RAD54B: variants seen among roughly 807,000 people sequenced by gnomAD.
RAD54B encodes the protein RAD54 homolog B, also known as DNA repair and recombination protein RAD54B.
In RAD54B, 78 loss-of-function variants were observed where a neutral mutation model predicts 95.8. The observed-to-expected ratio is 0.81, with a 90% CI of 0.68 to 0.98. The LOEUF (loss-of-function observed/expected upper bound fraction) is 0.98. RAD54B is among the 50% of genes least tolerant of loss of function. RAD54B has a pLI of 0.00. For synonymous variants in RAD54B, 328 were observed against 354.9 expected (o/e 0.92, Z 0.85); for missense variants, 957 against 1,056.6 (o/e 0.91, Z 1.31).
At chr8:94,372,486 T>C in intron 14 of RAD54B, 99 bp from the exon 15 acceptor site, 4 of 1,506,170 alleles carry the variant, frequency 2.7e-6, no homozygotes, top group Non-Finnish European at 2.6e-6. Context: ...TGTGATTTAT[T>C]ACATTTGATC....
rs902175391 is a variant in RAD54B, at chr8:94,399,435, C to T, written c.1357G>A (p.Glu453Lys). The T allele has an allele frequency of 6.2e-7, 1 of 1,613,270 alleles. No individual in the cohort carries two copies. Among genetic ancestry groups the T allele is most frequent in the Non-Finnish European group, 8.5e-7 (1 of 1,179,550 alleles). The change falls in exon 8 of 15, where the codon GAG becomes AAG. Residue 453 changes from glutamate (E) to lysine (K), a missense_variant. By Grantham distance (56) the Glu-to-Lys change is moderately conservative (BLOSUM62 1). Coordinates refer to ENST00000336148, the MANE Select transcript of RAD54B (RefSeq NM_012415.3). ...TTTALISLSC[E>K]KRIILTGTPI... ...TGACCAGTTAGAATTATTCTTTTCT[C>T]ACAAGAAAGGCTAATGAGGGCTGTA...
intron 14 of RAD54B, among the ~76,000 whole-genome samples, chr8:94,376,026 T>TA (rs1413774830): frequency 6.6e-6 from 1 of 152,180 alleles, no homozygotes; most frequent in African/African-American, 2.4e-5. Context: ...AAAGTTAAAT[T>TA]AGTCATTTTT....
chr8:94,473,944 G>A (rs1813229839), intron 1 of RAD54B, among the ~76,000 whole-genome samples: 1 of 152,140 alleles, frequency 6.6e-6, no homozygotes, highest in African/African-American at 2.4e-5. Flanking sequence ...AACTGTACAA[G>A]TAACCACACA....
chr8:94,428,730 G>A (rs1432566345), intron 3 of RAD54B: 1 of 980,346 alleles, frequency 1.0e-6, no homozygotes, highest in Non-Finnish European at 1.2e-6. Flanking sequence ...AGAAAGCCAA[G>A]TGTACATTCC....
intron 8 of RAD54B, among the ~76,000 whole-genome samples, 176 bp from the exon 9 acceptor site, chr8:94,394,058 C>T (rs1345573945): frequency 6.6e-6 from 1 of 152,142 alleles, no homozygotes; most frequent in Non-Finnish European, 1.5e-5. Context: ...ACATATTAAT[C>T]ACCACATAAA....
rs529157969 is a variant in RAD54B at position 94,408,623 on chromosome 8, T to C, written c.500-903A>G. Reference sequence around the variant, plus strand: ...AAAATTTATAATCTGTGCCAATCTGTATTTAATATATAGTCTTAAATTATT... The same window carrying C: ...AAAATTTATAATCTGTGCCAATCTGCATTTAATATATAGTCTTAAATTATT... On this transcript the variant is annotated intron_variant, in intron 4 of 14. Coordinates refer to ENST00000336148, the MANE Select transcript of RAD54B (RefSeq NM_012415.3). Among the ~76,000 whole-genome samples the C allele has an allele frequency of 3.3e-5, 5 of 152,302 alleles. No homozygotes were observed. In the South Asian group the frequency reaches 8.3e-4, roughly 25 times the overall value.
At chr8:94,380,682 T>C (rs1810718472) in intron 11 of RAD54B, among the ~76,000 whole-genome samples, 1 of 152,126 alleles carries the variant, frequency 6.6e-6, no homozygotes, top group Non-Finnish European at 1.5e-5. Context: ...AATACAAAAA[T>C]GAACAGAAAC....
intron 1 of RAD54B, among the ~76,000 whole-genome samples, chr8:94,470,621 G>A (rs1472812276): frequency 6.6e-6 from 1 of 150,844 alleles, no homozygotes; most frequent in Non-Finnish European, 1.5e-5. Context: ...AGCCAAGTGT[G>A]GTGGTACACG....
Position 94,464,224 on chromosome 8 carries a change from C to T in RAD54B, c.135+3181G>A, listed in dbSNP as rs1037565629. On this transcript the variant is annotated intron_variant, in intron 2 of 14. Coordinates refer to ENST00000336148, the MANE Select transcript of RAD54B (RefSeq NM_012415.3). ...AAACGGAGAGATGATCCTGGATTAC[C>T]CAGGTGGGCCTAACCTAATCAAATG... Among the ~76,000 whole-genome samples the T allele has an allele frequency of 2.6e-5, 4 of 152,042 alleles. No individual in the cohort carries two copies. The South Asian group carries it at 8.3e-4, about 32-fold the overall frequency.
intron 3 of RAD54B, among the ~76,000 whole-genome samples, chr8:94,418,838 T>C (rs1023444407): frequency 6.6e-6 from 1 of 152,184 alleles, no homozygotes; most frequent in African/African-American, 2.4e-5. Context: ...GACAGTTGAG[T>C]TTTCAGCTTA....
intron 2 of RAD54B, among the ~76,000 whole-genome samples, chr8:94,464,534 G>A (rs1812979658): frequency 6.6e-6 from 1 of 152,194 alleles, no homozygotes; most frequent in Admixed American, 6.5e-5. Flanking sequence ...TCAGCAGCAA[G>A]AGAAAACTGA....
At chr8:94,408,999 G>C (rs1811464469) in intron 4 of RAD54B, among the ~76,000 whole-genome samples, 1 of 150,960 alleles carries the variant, frequency 6.6e-6, no homozygotes, top group Admixed American at 6.6e-5. Context: ...TTCACATACT[G>C]GTTTTTTTTT....
At chr8:94,450,224 C>T (rs1041996727) in intron 3 of RAD54B, among the ~76,000 whole-genome samples, 3 of 152,082 alleles carry the variant, frequency 2.0e-5, no homozygotes, top group Non-Finnish European at 4.4e-5. Context: ...GAAGTAAGAG[C>T]CACTAGAAAA....
At position 94,387,722 on chromosome 8, in the gene RAD54B, CTTT is replaced by C. The variant is rs1212208644; in HGVS notation, c.1810-566_1810-564del. ...AAATTTATTCTTACTTACAACAATA[CTTT>C]TTATTTCACCAATAGTTGTAGAATA... On this transcript the variant is annotated intron_variant, in intron 10 of 14. Coordinates refer to ENST00000336148, the MANE Select transcript of RAD54B (RefSeq NM_012415.3). Among the ~76,000 whole-genome samples the C allele has an allele frequency of 1.0e-3, 152 of 152,300 alleles. 1 individual carries two copies. Among genetic ancestry groups the C allele is most frequent in the Non-Finnish European group, 4.4e-5 (3 of 68,008 alleles).
intron 14 of RAD54B, among the ~76,000 whole-genome samples, chr8:94,373,879 G>C (rs1359930307): frequency 1.3e-5 from 2 of 152,114 alleles, no homozygotes; most frequent in Non-Finnish European, 2.9e-5. Context: ...ATTTCTAAAA[G>C]ATAAACACTT....
chr8:94,380,535 T>C, intron 11 of RAD54B, 129 bp from the exon 12 acceptor site: 2 of 958,882 alleles, frequency 2.1e-6, no homozygotes, highest in Non-Finnish European at 3.0e-6. Flanking sequence ...CCTTGTACAA[T>C]TAAAACATAG....
chr8:94,374,788 TCA>T (rs1275455701), intron 14 of RAD54B, among the ~76,000 whole-genome samples: 13 of 152,306 alleles, frequency 8.5e-5, no homozygotes, highest in Admixed American at 6.5e-4. Context: ...TAATCCACTG[TCA>T]CAGTTTCATA....
chr8:94,458,108 AAAGAT>A (rs1812818181), intron 3 of RAD54B, among the ~76,000 whole-genome samples, 155 bp downstream of exon 3: 2 of 152,244 alleles, frequency 1.3e-5, no homozygotes, highest in African/African-American at 4.8e-5. Flanking sequence ...TCCAATCACT[AAAGAT>A]AAATTATGAC....
At chr8:94,392,764 A>ATTTTTTTTTTTTTTT (rs34856809) in intron 9 of RAD54B, among the ~76,000 whole-genome samples, 1 of 72,602 alleles carries the variant, frequency 1.4e-5, no homozygotes, top group Non-Finnish European at 2.4e-5. Flanking sequence ...CACCTGGCTG[A>ATTTTTTTTTTTTTTT]TTTTTTTTTT....
Sources: gnomAD v4.1 joint callset for allele counts (sites outside exome capture counted in the v4.1 genomes callset) on GRCh38, gnomAD v4.1.1 for gene constraint, MANE v1.5 for transcripts, NCBI Gene and HGNC (gene_info 2026-07-23, HGNC 2026-07-21) for gene names.